The following CUBN variants were observed in gnomAD, a reference collection of about 807,000 sequenced individuals.
CUBN encodes cubilin.
A neutral mutation model predicts 405.3 loss-of-function variants in CUBN; 282 were observed. That is an observed-to-expected ratio of 0.70 (90% confidence interval 0.63 to 0.77). CUBN has a LOEUF of 0.77. Ranked by LOEUF, CUBN falls within the 30% of genes least tolerant of loss-of-function variation. CUBN has a pLI of 0.00. For missense variants in CUBN, 4,514 were observed against 4,475.2 expected (o/e 1.01, Z -0.25); for synonymous variants, 1,684 against 1,617.0 (o/e 1.04, Z -0.99).
chr10:16,987,994 C>T (rs974970916), intron 29 of CUBN, among the ~76,000 whole-genome samples: 7 of 152,162 alleles, frequency 4.6e-5, no homozygotes, highest in African/African-American at 7.2e-5. Flanking sequence ...GCAGACTGTG[C>T]GTCTTCTCAC....
At position 17,084,317 on chromosome 10, in the gene CUBN, T is replaced by C; in HGVS notation, c.2255A>G (p.His752Arg). The C allele has an allele frequency of 6.2e-7, 1 of 1,614,152 alleles. No homozygotes were observed. The highest frequency in any genetic ancestry group is 2.2e-5 in the East Asian group (1 of 44,884). ...QGEQIQINFTHVELQCQSDSS... is the reference protein window; with the variant it reads ...QGEQIQINFTRVELQCQSDSS... ...GTCACTCTGGCATTGCAGCTCCACG[T>C]GGGTGAAGTTGATTTGTATTTGTTC... Residue 752 changes from histidine to arginine, a missense_variant, in exon 17 of 67, where the codon CAC (histidine) becomes CGC (arginine). This residue lies in a region of CUBN where 1,448 missense variants were observed against 1,388.0 expected (regional missense o/e 1.04). Coordinates refer to ENST00000377833, the MANE Select transcript of CUBN (RefSeq NM_001081.4).
In CUBN at chr10:16,952,458, T is replaced by C. The variant is rs1171114350; in HGVS notation, c.4856-69A>G. 11 of 969,186 alleles carry C rather than the reference T, an allele frequency of 1.1e-5. No homozygotes were observed. In the East Asian group the frequency reaches 2.7e-4, roughly 23 times the overall value. The allele number at this position is 969,186 out of a possible 1,614,324, so 60.0% of individuals were successfully genotyped here. A position where few individuals can be genotyped will look rare whatever the true frequency, so the allele number is the denominator to read the frequency against. ...TTCTACTGACCGTACAAAACAATTATTTGATGAATAAAACCATCAATGATT... is the reference window on the plus strand; with the variant it reads ...TTCTACTGACCGTACAAAACAATTACTTGATGAATAAAACCATCAATGATT... On this transcript the variant is annotated intron_variant, in intron 32 of 66. Transcript: ENST00000377833.
At chr10:17,056,734 T>C (rs1835405110) in intron 22 of CUBN, among the ~76,000 whole-genome samples, 1 of 152,198 alleles carries the variant, frequency 6.6e-6, no homozygotes, top group Non-Finnish European at 1.5e-5. Context: ...ATTGAACTTC[T>C]GTTCTTCAAA....
intron 52 of CUBN, 22 bp from the exon 53 acceptor site, chr10:16,900,872 G>T (rs780318196): frequency 2.6e-6 from 4 of 1,514,420 alleles, no homozygotes; most frequent in Non-Finnish European, 2.7e-6. Context: ...AAAAGAAAAT[G>T]GTTGTCAGTG....
intron 9 of CUBN, 149 bp from the exon 10 acceptor site, chr10:17,109,884 A>G (rs1224062779): frequency 1.1e-5 from 7 of 662,624 alleles, no homozygotes; most frequent in African/African-American, 1.8e-5. Flanking sequence ...TCATCAACAA[A>G]TGAAATTTCA....
intron 27 of CUBN, among the ~76,000 whole-genome samples, chr10:17,031,024 G>A (rs1453845665): frequency 6.6e-6 from 1 of 152,070 alleles, no homozygotes; most frequent in Non-Finnish European, 1.5e-5. Flanking sequence ...AAATGATAGG[G>A]ACAATACGAA....
At chr10:17,044,810 T>TA (rs1176819270) in intron 25 of CUBN, among the ~76,000 whole-genome samples, 197 bp downstream of exon 25, 2 of 152,202 alleles carry the variant, frequency 1.3e-5, no homozygotes, top group Non-Finnish European at 2.9e-5. Flanking sequence ...TTTAAATACT[T>TA]AGTGTATCGA....
intron 31 of CUBN, among the ~76,000 whole-genome samples, chr10:16,964,384 T>G (rs1843327766): frequency 6.6e-6 from 1 of 152,096 alleles, no homozygotes; most frequent in African/African-American, 2.4e-5. Context: ...TAAGAAAATT[T>G]CAAATAATAT....
rs763168436 is a variant in CUBN, at chr10:16,825,049, T to G, written c.10798A>C (p.Asn3600His). 3.3e-5 allele frequency: 53 copies of G among 1,613,782 alleles called. No homozygotes were observed. Among genetic ancestry groups the G allele is most frequent in the Non-Finnish European group, 4.4e-5 (52 of 1,179,892 alleles). Residue 3600 changes from asparagine (N) to histidine (H), a missense_variant, in exon 67 of 67, where the codon AAT becomes CAT. Asn to His is a moderately conservative substitution (Grantham distance 68). Around this residue, in one of 5 missense-constraint regions of CUBN, gnomAD observed 1,186 missense variants for 1,186.9 expected, o/e 1.00. Transcript: ENST00000377833. ...GCATGAAATTTTATGAAGACCTGAT[T>G]TGAGGAAGCCACGAAGGGAGCTATG... The part of the protein sequence containing the change: ...TSIAPFVASS[N>H]QVFIKFHADY...
At chr10:17,050,838 G>C (rs2131826161) in intron 22 of CUBN, among the ~76,000 whole-genome samples, 1 of 152,174 alleles carries the variant, frequency 6.6e-6, no homozygotes, top group East Asian at 1.9e-4. Context: ...GCAAGTTAGA[G>C]GGGCTCGAGA....
At position 16,840,642 on chromosome 10, in the gene CUBN, T is replaced by A. The variant is rs1839318942; in HGVS notation, c.9827-107A>T. On this transcript the variant is annotated intron_variant, in intron 61 of 66. Coordinates refer to ENST00000377833, the MANE Select transcript of CUBN (RefSeq NM_001081.4). ...GCCTCCCACCCCGGAGGAGCTATATTTTCATTACTCTATTAAGAATTCAGG... is the reference window on the plus strand; with the variant it reads ...GCCTCCCACCCCGGAGGAGCTATATATTCATTACTCTATTAAGAATTCAGG... 1.1e-5 allele frequency: 11 copies of A among 989,782 alleles called. No individual in the cohort carries two copies. The South Asian group carries it at 1.5e-4, about 14-fold the overall frequency. 61.3% of individuals were successfully genotyped at this position (989,782 alleles called of 1,614,324 possible).
intron 54 of CUBN, among the ~76,000 whole-genome samples, chr10:16,891,925 A>C (rs1023820977): frequency 6.6e-6 from 1 of 152,180 alleles, no homozygotes; most frequent in African/African-American, 2.4e-5. Context: ...ATCAACAGAC[A>C]ACTATCTCAA....
intron 16 of CUBN, 127 bp from the exon 17 acceptor site, chr10:17,084,588 C>T (rs1339567892): frequency 3.8e-6 from 3 of 794,470 alleles, no homozygotes; most frequent in African/African-American, 3.4e-5. Context: ...TTTATTCACC[C>T]TCTATAGGCT....
intron 59 of CUBN, among the ~76,000 whole-genome samples, chr10:16,855,524 C>T (rs1417244434): frequency 1.3e-5 from 2 of 152,070 alleles, no homozygotes; most frequent in African/African-American, 4.8e-5. Context: ...AGACTTGAAC[C>T]CAGACTCAAC....
At chr10:16,867,857 C>G (rs1293983013) in intron 59 of CUBN, among the ~76,000 whole-genome samples, 1 of 152,104 alleles carries the variant, frequency 6.6e-6, no homozygotes, top group Admixed American at 6.6e-5. Flanking sequence ...GGCTAGGGAA[C>G]CCTGGCTCAC....
At chr10:17,076,811 G>A (rs544250420) in intron 17 of CUBN, among the ~76,000 whole-genome samples, 14 of 152,164 alleles carry the variant, frequency 9.2e-5, no homozygotes, top group Non-Finnish European at 2.1e-4. Context: ...GGACGGTGAA[G>A]GCACAGGAAA....
At chr10:16,849,777 C>T (rs1306474829) in intron 60 of CUBN, among the ~76,000 whole-genome samples, 1 of 152,172 alleles carries the variant, frequency 6.6e-6, no homozygotes, top group Non-Finnish European at 1.5e-5. Context: ...CTCTCTGGAG[C>T]CCTCCCAGCC....
At chr10:16,999,575 T>C (rs936850198) in intron 28 of CUBN, among the ~76,000 whole-genome samples, 3 of 152,178 alleles carry the variant, frequency 2.0e-5, no homozygotes, top group Non-Finnish European at 2.9e-5. Flanking sequence ...AAGTTTAGTA[T>C]AAAAAGGTAC....
At chr10:17,034,662 C>T (rs1236112363) in intron 27 of CUBN, among the ~76,000 whole-genome samples, 1 of 152,092 alleles carries the variant, frequency 6.6e-6, no homozygotes, top group African/African-American at 2.4e-5. Flanking sequence ...GGAATGCAGC[C>T]AGATTTGGTA....
Sources: gnomAD v4.1 joint callset for allele counts (sites outside exome capture counted in the v4.1 genomes callset) on GRCh38, gnomAD v4.1.1 for gene constraint, gnomAD v4.1.1 regional missense constraint, MANE v1.5 for transcripts, NCBI Gene and HGNC (gene_info 2026-07-23, HGNC 2026-07-21) for gene names.